The following SH3KBP1 variants were observed in gnomAD, a reference collection of about 807,000 sequenced individuals.
The protein encoded by SH3KBP1 is SH3 domain containing kinase binding protein 1.
SH3KBP1 carries 8 observed loss-of-function variants against 50.1 expected under a neutral mutation model. The observed-to-expected ratio is 0.16, with a 90% CI of 0.09 to 0.29. The LOEUF is 0.29. SH3KBP1 is among the 10% of genes least tolerant of loss of function. The pLI, the probability that SH3KBP1 is intolerant of heterozygous loss-of-function variation, is 1.00. For synonymous variants in SH3KBP1, 227 were observed against 218.6 expected (o/e 1.04, Z -0.34); for missense variants, 377 against 535.2 (o/e 0.70, Z 2.92).
intron 4 of SH3KBP1, among the ~76,000 whole-genome samples, chrX:19,697,576 C>G (rs749465774): frequency 8.9e-6 from 1 of 112,147 alleles, no homozygotes. Context: ...GAAGTGAATA[C>G]TCTACCAAGA....
intron 2 of SH3KBP1, among the ~76,000 whole-genome samples, chrX:19,774,623 T>A (rs1297847712): frequency 1.0e-5 from 1 of 99,935 alleles, no homozygotes; most frequent in Non-Finnish European, 2.0e-5. Flanking sequence ...GTGAGCCGAG[T>A]TCACGCCACT....
At chrX:19,774,952 C>T (rs761073206) in intron 2 of SH3KBP1, among the ~76,000 whole-genome samples, 3 of 111,164 alleles carry the variant, frequency 2.7e-5, no homozygotes, top group African/African-American at 9.8e-5. Context: ...AGCATCAAGG[C>T]TTCTGAGGGG....
Position 19,804,171 on chromosome X carries a change from T to TA in SH3KBP1, c.162+31953dup, listed in dbSNP as rs374821092. On this transcript the variant is annotated intron_variant, in intron 2 of 17. Transcript: ENST00000397821. ...TGGGCGACAGAGTGAGAATCCATATTAAAAAAAAAGGAAAAAGAAATGAAA... is the reference window on the plus strand; with the variant it reads ...TGGGCGACAGAGTGAGAATCCATATTAAAAAAAAAAGGAAAAAGAAATGAAA... Among the ~76,000 whole-genome samples, 559 of 108,593 alleles carry TA rather than the reference T, an allele frequency of 5.1e-3. 6 individuals are homozygous for TA. The highest frequency in any genetic ancestry group is 0.018 in the African/African-American group (526 of 29,854). The allele number at this position is 108,593 out of a possible 115,157, so 94.3% of individuals were successfully genotyped here. A position where few individuals can be genotyped will look rare whatever the true frequency, so the allele number is the denominator to read the frequency against.
chrX:19,577,943 T>G (rs1395377109), intron 12 of SH3KBP1, among the ~76,000 whole-genome samples: 1 of 110,451 alleles, frequency 9.1e-6, no homozygotes, highest in Non-Finnish European at 1.9e-5. Flanking sequence ...CTACAAAATT[T>G]GACAAGGAGG....
intron 2 of SH3KBP1, among the ~76,000 whole-genome samples, chrX:19,791,552 C>T (rs572645874): frequency 1.1e-5 from 1 of 94,511 alleles, no homozygotes; most frequent in Non-Finnish European, 2.1e-5. Flanking sequence ...AAAAAAAAAA[C>T]CAAGAGGGAG....
At chrX:19,746,196 C>T (rs1013009539) in intron 3 of SH3KBP1, 122 bp downstream of exon 3, 1 of 861,608 alleles carries the variant, frequency 1.2e-6, no homozygotes, top group African/African-American at 2.0e-5. Context: ...AAAATATATA[C>T]CAAAAACCAA....
chrX:19,690,690 G>A (rs928287358), intron 5 of SH3KBP1, among the ~76,000 whole-genome samples: 1 of 112,511 alleles, frequency 8.9e-6, no homozygotes, highest in South Asian at 3.6e-4. Flanking sequence ...GACAACAGTC[G>A]TATCTGGATT....
intron 12 of SH3KBP1, among the ~76,000 whole-genome samples, chrX:19,574,171 C>T (rs926548766): frequency 4.5e-5 from 5 of 111,140 alleles, no homozygotes; most frequent in South Asian, 7.6e-4. Flanking sequence ...TTTTAGCACT[C>T]AGAGATCCAT....
intron 2 of SH3KBP1, among the ~76,000 whole-genome samples, chrX:19,769,693 T>A (rs2065728658): frequency 9.0e-6 from 1 of 110,916 alleles, no homozygotes; most frequent in Non-Finnish European, 1.9e-5. Flanking sequence ...ATCAGACTGC[T>A]AAAAAAAATC....
At chrX:19,584,744 A>G (rs1280157917) in intron 12 of SH3KBP1, among the ~76,000 whole-genome samples, 1 of 112,104 alleles carries the variant, frequency 8.9e-6, no homozygotes, top group Non-Finnish European at 1.9e-5. Flanking sequence ...TTAAAGAGAA[A>G]GAAATTACTC....
intron 3 of SH3KBP1, among the ~76,000 whole-genome samples, chrX:19,737,769 C>T (rs2064636705): frequency 8.9e-6 from 1 of 112,046 alleles, no homozygotes; most frequent in African/African-American, 3.2e-5. Flanking sequence ...CTAGGACTTC[C>T]ACTCATGTGT....
intron 1 of SH3KBP1, among the ~76,000 whole-genome samples, chrX:19,839,647 A>C (rs1243015961): frequency 1.8e-5 from 2 of 112,408 alleles, no homozygotes; most frequent in East Asian, 5.6e-4. Context: ...AACTTAAGTA[A>C]TCATGCACAG....
chrX:19,692,624 CGTGTGTGTGTGTGTGTGTGTGTGTGT>C (rs534431997), intron 5 of SH3KBP1, among the ~76,000 whole-genome samples: 3 of 68,710 alleles, frequency 4.4e-5, no homozygotes, highest in African/African-American at 6.0e-5. Context: ...TATATACATA[CGTGTGTGTGTGTGTGTGTGTGTGTGT>C]GTGTGTGTGT....
rs1052185107 is a variant in SH3KBP1 at position 19,836,060 on chromosome X, C to A, written c.162+65G>T. 1.0e-5 allele frequency: 11 copies of A among 1,055,904 alleles called. No homozygotes were observed. In the East Asian group the frequency reaches 3.4e-4, roughly 32 times the overall value. 87.0% of individuals were successfully genotyped at this position (1,055,904 alleles called of 1,213,427 possible). On this transcript the variant is annotated intron_variant, in intron 2 of 17. Coordinates refer to ENST00000397821, the MANE Select transcript of SH3KBP1 (RefSeq NM_031892.3). Reference sequence around the variant, plus strand: ...GTTCATGCAATTCATCCTCAAGCGCCCCCATAGACTTTGGTCAGCAGAGCC... The same window carrying A: ...GTTCATGCAATTCATCCTCAAGCGCACCCATAGACTTTGGTCAGCAGAGCC...
At position 19,812,408 on chromosome X, in the gene SH3KBP1, T is replaced by C. The variant is rs149297955; in HGVS notation, c.162+23717A>G. Among the ~76,000 whole-genome samples the C allele has an allele frequency of 8.7e-3, 971 of 111,463 alleles. 7 individuals carry two copies. Among genetic ancestry groups the C allele is most frequent in the African/African-American group, 0.019 (579 of 30,572 alleles). On this transcript the variant is annotated intron_variant, in intron 2 of 17. Coordinates refer to ENST00000397821, the MANE Select transcript of SH3KBP1 (RefSeq NM_031892.3). ...ATCTCCCTCAGTGGCATAAAGATGA[T>C]GAAATTTACCCCTTAGCCTGCGAGT...
intron 3 of SH3KBP1, among the ~76,000 whole-genome samples, chrX:19,734,145 CG>C (rs2064464477): frequency 8.9e-6 from 1 of 111,961 alleles, no homozygotes; most frequent in Admixed American, 9.5e-5. Flanking sequence ...GCTCTTTCTA[CG>C]AAGCACAGAA....
chrX:19,841,046 A>G (rs887173912), intron 1 of SH3KBP1, among the ~76,000 whole-genome samples: 1 of 111,855 alleles, frequency 8.9e-6, no homozygotes, highest in Admixed American at 9.5e-5. Context: ...TCTACCTTCA[A>G]ACTTGCTGGA....
chrX:19,577,295 G>A (rs1282854020), intron 12 of SH3KBP1, among the ~76,000 whole-genome samples: 4 of 111,463 alleles, frequency 3.6e-5, no homozygotes, highest in Non-Finnish European at 7.5e-5. Context: ...CAGAGCCCAA[G>A]CTCTTGACTC....
intron 2 of SH3KBP1, among the ~76,000 whole-genome samples, chrX:19,752,246 T>C (rs1459554975): frequency 1.8e-5 from 2 of 111,941 alleles, no homozygotes; most frequent in South Asian, 3.7e-4. Context: ...ATCTGAGGTG[T>C]GACCTTGGGG....
Sources: allele counts gnomAD v4.1 joint callset (sites outside exome capture counted in the v4.1 genomes callset), GRCh38; gene constraint gnomAD v4.1.1; transcripts MANE v1.5; gene names NCBI Gene and HGNC (gene_info 2026-07-23, HGNC 2026-07-21).